SLIT1: variants seen among roughly 807,000 people sequenced by gnomAD.
SLIT1 encodes slit guidance ligand 1.
A neutral mutation model predicts 186.1 loss-of-function variants in SLIT1; 66 were observed. The ratio of observed to expected loss-of-function variants is 0.35; its 90% CI spans 0.29 to 0.44. The LOEUF (loss-of-function observed/expected upper bound fraction) is 0.44. SLIT1 is among the 20% of genes least tolerant of loss of function. The pLI is 1.00. For missense variants in SLIT1, 1,638 were observed against 2,037.4 expected, an observed-to-expected ratio of 0.80 and a Z score of 3.77; for synonymous variants, 761 against 833.8, an observed-to-expected ratio of 0.91 and a Z score of 1.50.
chr10:97,168,414 G>A (rs189700765), intron 1 of SLIT1, among the ~76,000 whole-genome samples: 7 of 152,240 alleles, frequency 4.6e-5, no homozygotes, highest in Admixed American at 1.3e-4. Context: ...TGCTGGAAAC[G>A]ATTTTTATAT....
chr10:97,014,730 G>C (rs1564653790), intron 28 of SLIT1, among the ~76,000 whole-genome samples: 2 of 152,162 alleles, frequency 1.3e-5, no homozygotes, highest in Non-Finnish European at 2.9e-5. Flanking sequence ...GCTGGGCATG[G>C]TGGCATGTGC....
At position 97,043,458 on chromosome 10, in the gene SLIT1, G is replaced by T; in HGVS notation, c.1909C>A (p.Arg637Ser). Residue 637 changes from arginine (R) to serine (S), a missense_variant, in exon 19 of 37, where the codon CGC (arginine) becomes AGC (serine). By Grantham distance (110) the Arg-to-Ser change is moderately radical (BLOSUM62 -1). Coordinates refer to ENST00000266058, the MANE Select transcript of SLIT1 (RefSeq NM_003061.3). The surrounding 1 kb of genome is among the most constrained non-coding windows in gnomAD (Gnocchi z 7.0). Reference sequence around the variant, plus strand: ...TAGAGCGAGAGGAGCCGGACGTTGCGCAGGCCCGTGAAGCTGTCGTTGTGG... The same window carrying T: ...TAGAGCGAGAGGAGCCGGACGTTGCTCAGGCCCGTGAAGCTGTCGTTGTGG... ...CIHNDSFTGL[R>S]NVRLLSLYDN... 6.2e-7 allele frequency: 1 copy of T among 1,613,908 alleles called. No homozygotes were observed. The highest frequency in any genetic ancestry group is 1.1e-5 in the South Asian group (1 of 91,068).
At chr10:97,045,240 C>T (rs1003996855) in intron 18 of SLIT1, among the ~76,000 whole-genome samples, 1 of 151,874 alleles carries the variant, frequency 6.6e-6, no homozygotes, top group Non-Finnish European at 1.5e-5. Context: ...GCCTACATTG[C>T]CAATAATTAT....
intron 13 of SLIT1, among the ~76,000 whole-genome samples, chr10:97,051,957 T>C (rs11188998): frequency 0.12 from 18,354 of 152,206 alleles, 1,386 homozygotes; most frequent in African/African-American, 0.2. Context: ...TTGTGGTCTA[T>C]TTACACAATG....
In SLIT1 at chr10:97,157,802, A is replaced by G; in HGVS notation, c.413+16T>C. On this transcript the variant is annotated intron_variant, in intron 4 of 36. Transcript: ENST00000266058. ...AAACCACAGGGAGAACTCTCTGGCCACAGAGCGTCACTCACAGTCTTGACA... is the reference window on the plus strand; with the variant it reads ...AAACCACAGGGAGAACTCTCTGGCCGCAGAGCGTCACTCACAGTCTTGACA... The G allele has an allele frequency of 6.2e-7, 1 of 1,602,690 alleles. No homozygotes were observed. Among genetic ancestry groups the G allele is most frequent in the Non-Finnish European group, 8.6e-7 (1 of 1,169,508 alleles).
chr10:97,019,692 G>T (rs1246219805), intron 26 of SLIT1, among the ~76,000 whole-genome samples: 1 of 152,108 alleles, frequency 6.6e-6, no homozygotes, highest in African/African-American at 2.4e-5. Flanking sequence ...GGCCCCTCCA[G>T]CATCTCCAGG....
rs766075542 is a variant in SLIT1, at chr10:97,047,957, C to T, written c.1489+16G>A. On this transcript the variant is annotated intron_variant, in intron 15 of 36. Coordinates refer to ENST00000266058, the MANE Select transcript of SLIT1 (RefSeq NM_003061.3). ...CATTCCCGCCAGGCTGGCCTTGGAT[C>T]CCCCCACTCTCCTACCTGGAATGAA... is the stretch of plus-strand genomic sequence containing the variant. 7.4e-6 allele frequency: 12 copies of T among 1,613,598 alleles called. No individual in the cohort carries two copies. The highest frequency in any genetic ancestry group is 5.3e-5 in the African/African-American group (4 of 74,892).
chr10:97,123,171 G>C (rs1849574749), intron 4 of SLIT1, among the ~76,000 whole-genome samples: 1 of 152,190 alleles, frequency 6.6e-6, no homozygotes, highest in Non-Finnish European at 1.5e-5. Flanking sequence ...ATCTTGTCAT[G>C]CTCTTCCCAA....
intron 22 of SLIT1, among the ~76,000 whole-genome samples, chr10:97,037,157 C>T (rs1021013674): frequency 1.7e-4 from 25 of 150,668 alleles, no homozygotes; most frequent in Admixed American, 2.0e-4. Flanking sequence ...TGCAATGGTG[C>T]GATCTTGGCT....
intron 1 of SLIT1, among the ~76,000 whole-genome samples, chr10:97,177,278 A>C (rs895665124): frequency 1.3e-5 from 2 of 152,198 alleles, no homozygotes; most frequent in African/African-American, 4.8e-5. Flanking sequence ...AATTCAAAGA[A>C]AACAGGCAAA....
At chr10:97,050,121 C>T (rs1848774256) in intron 13 of SLIT1, among the ~76,000 whole-genome samples, 14 of 152,122 alleles carry the variant, frequency 9.2e-5, no homozygotes, top group Admixed American at 9.2e-4. Flanking sequence ...GCACTCCAGC[C>T]TGGTCAACAA....
rs759847463 is a variant in SLIT1 at position 97,060,717 on chromosome 10, G to A, written c.864C>T (p.Cys288=). 1 of 1,613,870 alleles carries A rather than the reference G, an allele frequency of 6.2e-7. No individual in the cohort carries two copies. Among genetic ancestry groups the A allele is most frequent in the Non-Finnish European group, 8.5e-7 (1 of 1,180,016 alleles). The part of the protein sequence containing the change: ...SSGSCPAMCT[C]SNGIVDCRGK... ...CACGACAGTCCACGATGCCATTGCT[G>A]CAGGTGCACATGGCCGGGCAGGAGC... The change falls in exon 9 of 37, where the codon TGC becomes TGT. Residue 288 remains cysteine (C), a synonymous_variant. Coordinates refer to ENST00000266058, the MANE Select transcript of SLIT1 (RefSeq NM_003061.3).
intron 4 of SLIT1, among the ~76,000 whole-genome samples, chr10:97,098,612 T>C (rs1849316459): frequency 6.6e-6 from 1 of 152,194 alleles, no homozygotes; most frequent in Non-Finnish European, 1.5e-5. Context: ...CCAAGGCCTT[T>C]GAATGCCATG....
chr10:97,165,593 T>C (rs1850093972), intron 1 of SLIT1, among the ~76,000 whole-genome samples: 1 of 150,846 alleles, frequency 6.6e-6, no homozygotes, highest in Non-Finnish European at 1.5e-5. Flanking sequence ...AGCCAGAGAG[T>C]CGGAAGCTGT....
At chr10:97,002,567 G>C in intron 35 of SLIT1, 137 bp downstream of exon 35, 1 of 882,036 alleles carries the variant, frequency 1.1e-6, no homozygotes, top group East Asian at 2.7e-5. Context: ...AATAAAAAGT[G>C]AAAGCCAGAT....
Position 97,040,028 on chromosome 10 carries a change from G to C in SLIT1, c.2257C>G (p.Arg753Gly), listed in dbSNP as rs199850565. 6.2e-7 allele frequency: 1 copy of C among 1,613,580 alleles called. No individual in the cohort carries two copies. The highest frequency in any genetic ancestry group is 8.5e-7 in the Non-Finnish European group (1 of 1,179,754). The change falls in exon 21 of 37, where the codon CGG becomes GGG. Residue 753 changes from arginine to glycine, a missense_variant. By Grantham distance (125) the Arg-to-Gly change is moderately radical (BLOSUM62 -2). Coordinates refer to ENST00000266058, the MANE Select transcript of SLIT1 (RefSeq NM_003061.3). ...TVVRCSNKHLRALPKGIPKNV... is the reference protein window; with the variant it reads ...TVVRCSNKHLGALPKGIPKNV... Reference sequence around the variant, plus strand: ...TTGGGAATGCCCTTGGGCAGGGCCCGCAGGTGCTTGTTGCTGCATCGGACC... The same window carrying C: ...TTGGGAATGCCCTTGGGCAGGGCCCCCAGGTGCTTGTTGCTGCATCGGACC...
chr10:97,075,261 C>A (rs1177004945), intron 4 of SLIT1, among the ~76,000 whole-genome samples: 3 of 152,252 alleles, frequency 2.0e-5, no homozygotes, highest in African/African-American at 7.2e-5. Context: ...TCATGCACAT[C>A]TTCTAACCCC....
intron 3 of SLIT1, among the ~76,000 whole-genome samples, chr10:97,159,300 A>G (rs1362280292): frequency 6.6e-6 from 1 of 152,242 alleles, no homozygotes. Context: ...CAAGGTACAG[A>G]CAATTAAGTC....
chr10:97,043,539 G>A lies in SLIT1; in HGVS notation c.1854-26C>T. On this transcript the variant is annotated intron_variant, in intron 18 of 36. Coordinates refer to ENST00000266058, the MANE Select transcript of SLIT1 (RefSeq NM_003061.3). The surrounding 1 kb of genome is among the most constrained non-coding windows in gnomAD (Gnocchi z 7.0). Reference sequence around the variant, plus strand: ...CTGGGGAGGAACGGGGGAGGGAGGAGGGGACCCTTGCTGCCCTGCCAGCCA... The same window carrying A: ...CTGGGGAGGAACGGGGGAGGGAGGAAGGGACCCTTGCTGCCCTGCCAGCCA... The A allele has an allele frequency of 6.2e-7, 1 of 1,604,692 alleles. No homozygotes were observed. Among genetic ancestry groups the A allele is most frequent in the Non-Finnish European group, 8.5e-7 (1 of 1,174,590 alleles).
Sources: gnomAD v4.1 joint callset for allele counts (sites outside exome capture counted in the v4.1 genomes callset) on GRCh38, gnomAD v4.1.1 for gene constraint, Gnocchi (gnomAD v3.1) non-coding constraint, MANE v1.5 for transcripts, NCBI Gene and HGNC (gene_info 2026-07-23, HGNC 2026-07-21) for gene names.